CGB7: variants seen among roughly 807,000 people sequenced by gnomAD.
CGB7 encodes the protein chorionic gonadotropin subunit beta 7.
A neutral mutation model predicts 7.3 loss-of-function variants in CGB7; 6 were observed. The ratio of observed to expected loss-of-function variants is 0.82; its 90% CI spans 0.45 to 1.62. The LOEUF (loss-of-function observed/expected upper bound fraction) is 1.62. Ranked by LOEUF, CGB7 falls within the 40% of genes most tolerant of loss-of-function variation. The pLI, the probability that CGB7 is intolerant of heterozygous loss-of-function variation, is 0.01. For missense variants in CGB7, 114 were observed against 236.2 expected (o/e 0.48, Z 3.39); for synonymous variants, 47 against 100.8 (o/e 0.47, Z 3.20).
Position 49,056,270 on chromosome 19 carries a change from C to G in CGB7, c.-895G>C. ...TGGGGTGGGGCTGGCCCGGCAGGCTCCCACTAGCCCCGGCTTACAGCGGCC... is the reference window on the plus strand; with the variant it reads ...TGGGGTGGGGCTGGCCCGGCAGGCTGCCACTAGCCCCGGCTTACAGCGGCC... On this transcript the variant is annotated 5_prime_UTR_variant, in exon 3 of 5. Coordinates refer to ENST00000684222, the MANE Select transcript of CGB7 (RefSeq NM_001385261.1). 1 of 1,290,894 alleles carries G rather than the reference C, an allele frequency of 7.7e-7. No individual in the cohort carries two copies. Among genetic ancestry groups the G allele is most frequent in the Non-Finnish European group, 1.0e-6 (1 of 989,546 alleles). The allele number at this position is 1,290,894 out of a possible 1,614,324, so 80.0% of individuals were successfully genotyped here.
rs1247426305 is a variant in CGB7, at chr19:49,056,102, G to C, written c.-727C>G. On this transcript the variant is annotated 5_prime_UTR_variant, in exon 3 of 5. Transcript: ENST00000684222. The stretch of plus-strand genomic sequence containing the variant: ...GACTTAGTCCCTTCCCCGCGATCCA[G>C]CCGCAGCTGAGTGGGCGTGTCTGGG... The C allele has an allele frequency of 8.5e-7, 1 of 1,182,224 alleles. No individual in the cohort carries two copies. 73.2% of individuals were successfully genotyped at this position (1,182,224 alleles called of 1,614,324 possible). A position where few individuals can be genotyped will look rare whatever the true frequency, so the allele number is the denominator to read the frequency against.
At position 49,055,531 on chromosome 19, in the gene CGB7, C is replaced by A; in HGVS notation, c.-156G>T. 1 of 1,574,074 alleles carries A rather than the reference C, an allele frequency of 6.4e-7. No homozygotes were observed. The highest frequency in any genetic ancestry group is 8.6e-7 in the Non-Finnish European group (1 of 1,158,918). On this transcript the variant is annotated 5_prime_UTR_variant, in exon 3 of 5. Coordinates refer to ENST00000684222, the MANE Select transcript of CGB7 (RefSeq NM_001385261.1). ...AGGCCAGGGAGGCACAGGAGTGGCT[C>A]AGCGGAGCACCCCAGTCCTCTCCCC... is the stretch of plus-strand genomic sequence containing the variant.
In CGB7 at chr19:49,054,363, C is replaced by A; in HGVS notation, c.426G>T (p.Lys142Asn). The A allele has an allele frequency of 2.5e-6, 4 of 1,610,168 alleles. No homozygotes were observed. The highest frequency in any genetic ancestry group is 2.2e-5 in the East Asian group (1 of 44,772). The change falls in exon 5 of 5, where the codon AAG becomes AAT. Residue 142 changes from lysine to asparagine, a missense_variant. Physicochemically the swap from Lys to Asn is moderately conservative, Grantham distance 94. Coordinates refer to ENST00000684222, the MANE Select transcript of CGB7 (RefSeq NM_001385261.1). ...GACTTGGAAGGCTGGGGGGAGGGGC[C>A]TTTGAGGAAGAGGAGGCCTGGAAGC... is the stretch of plus-strand genomic sequence containing the variant. ...DPRFQASSSS[K>N]APPPSLPSPS...
chr19:49,057,746 G>T lies in CGB7; in HGVS notation c.-1633C>A. On this transcript the variant is annotated 5_prime_UTR_variant, in exon 1 of 5. Coordinates refer to ENST00000684222, the MANE Select transcript of CGB7 (RefSeq NM_001385261.1). ...GCCCCTGGTCCTTCTGGCCTGGCGT[G>T]GATGCCCAGCCCTTCCTCCCGCTCC... 7.5e-7 allele frequency: 1 copy of T among 1,338,850 alleles called. No homozygotes were observed. The highest frequency in any genetic ancestry group is 9.5e-7 in the Non-Finnish European group (1 of 1,047,812). 82.9% of individuals were successfully genotyped at this position (1,338,850 alleles called of 1,614,324 possible).
At position 49,054,312 on chromosome 19, in the gene CGB7, G is replaced by T. The variant is rs759770153; in HGVS notation, c.477C>A (p.Asp159Glu). ...PSPSRLPGPS[D>E]TPILPQ Reference sequence around the variant, plus strand: ...GCCTTTATTGTGGGAGGATCGGGGTGTCTGAGGGCCCCGGGAGTCGGGATG... The same window carrying T: ...GCCTTTATTGTGGGAGGATCGGGGTTTCTGAGGGCCCCGGGAGTCGGGATG... Residue 159 changes from aspartate to glutamate, a missense_variant, in exon 5 of 5, where the codon GAC (aspartate) becomes GAA (glutamate). Coordinates refer to ENST00000684222, the MANE Select transcript of CGB7 (RefSeq NM_001385261.1). The T allele has an allele frequency of 1.0e-5, 16 of 1,602,554 alleles. 1 individual carries two copies. The highest frequency in any genetic ancestry group is 2.3e-4 in the Middle Eastern group (1 of 4,444).
rs369281749 is a variant in CGB7, at chr19:49,055,584, G to A, written c.-209C>T. On this transcript the variant is annotated 5_prime_UTR_variant, in exon 3 of 5. Transcript: ENST00000684222. ...AGTGGTCTAGCGCCAAGGATGAGGC[G>A]GAGACCACGGTGAAGTGACCTCTGA... 6.7e-6 allele frequency: 10 copies of A among 1,483,114 alleles called. No individual in the cohort carries two copies. Among genetic ancestry groups the A allele is most frequent in the East Asian group, 2.4e-5 (1 of 41,792 alleles). 91.9% of individuals were successfully genotyped at this position (1,483,114 alleles called of 1,614,324 possible). A position where few individuals can be genotyped will look rare whatever the true frequency, so the allele number is the denominator to read the frequency against.
Position 49,055,925 on chromosome 19 carries a change from C to G in CGB7, c.-550G>C. Reference sequence around the variant, plus strand: ...GATTCAGCCCGAGCCCCACCTCTCCCTTAGGAACCTCCGCCCACCCTACCC... The same window carrying G: ...GATTCAGCCCGAGCCCCACCTCTCCGTTAGGAACCTCCGCCCACCCTACCC... On this transcript the variant is annotated 5_prime_UTR_variant, in exon 3 of 5. Transcript: ENST00000684222. 1 of 1,099,842 alleles carries G rather than the reference C, an allele frequency of 9.1e-7. No homozygotes were observed. The highest frequency in any genetic ancestry group is 2.3e-5 in the South Asian group (1 of 42,910). The allele number at this position is 1,099,842 out of a possible 1,614,324, so 68.1% of individuals were successfully genotyped here. A position where few individuals can be genotyped will look rare whatever the true frequency, so the allele number is the denominator to read the frequency against.
Position 49,056,066 on chromosome 19 carries a change from G to T in CGB7, c.-691C>A. 8.5e-7 allele frequency: 1 copy of T among 1,171,724 alleles called. No individual in the cohort carries two copies. The highest frequency in any genetic ancestry group is 1.1e-6 in the Non-Finnish European group (1 of 931,824). The allele number at this position is 1,171,724 out of a possible 1,614,324, so 72.6% of individuals were successfully genotyped here. On this transcript the variant is annotated 5_prime_UTR_variant, in exon 3 of 5. Coordinates refer to ENST00000684222, the MANE Select transcript of CGB7 (RefSeq NM_001385261.1). ...TGCCCGCGGGGCCGCAGCCTCGGAG[G>T]ACATTGTCTGGACTTAGTCCCTTCC...
rs944262967 is a variant in CGB7 at position 49,056,127 on chromosome 19, G to A, written c.-752C>T. 1.7e-6 allele frequency: 2 copies of A among 1,201,946 alleles called. No homozygotes were observed. The highest frequency in any genetic ancestry group is 6.5e-5 in the Admixed American group (2 of 30,716). 74.5% of individuals were successfully genotyped at this position (1,201,946 alleles called of 1,614,324 possible). On this transcript the variant is annotated 5_prime_UTR_variant, in exon 3 of 5. Coordinates refer to ENST00000684222, the MANE Select transcript of CGB7 (RefSeq NM_001385261.1). Reference sequence around the variant, plus strand: ...GCCGCAGCTGAGTGGGCGTGTCTGGGCTAGTCCTGTCCCCACACTGCGGAT... The same window carrying A: ...GCCGCAGCTGAGTGGGCGTGTCTGGACTAGTCCTGTCCCCACACTGCGGAT...
chr19:49,056,553 G>C lies in CGB7; in HGVS notation c.-1178C>G. ...GTTGGGGCGTCTCTTCTAAGCTCCA[G>C]TAGGTCAGGTAGTCCTTGCGGGGGT... On this transcript the variant is annotated 5_prime_UTR_variant, in exon 3 of 5. Coordinates refer to ENST00000684222, the MANE Select transcript of CGB7 (RefSeq NM_001385261.1). 7.7e-7 allele frequency: 1 copy of C among 1,300,566 alleles called. No individual in the cohort carries two copies. Among genetic ancestry groups the C allele is most frequent in the Non-Finnish European group, 1.0e-6 (1 of 996,084 alleles). The allele number at this position is 1,300,566 out of a possible 1,614,324, so 80.6% of individuals were successfully genotyped here. A position where few individuals can be genotyped will look rare whatever the true frequency, so the allele number is the denominator to read the frequency against.
In CGB7 at chr19:49,054,975, C is replaced by G; in HGVS notation, c.49G>C (p.Gly17Arg). 6.3e-7 allele frequency: 1 copy of G among 1,599,958 alleles called. No individual in the cohort carries two copies. The highest frequency in any genetic ancestry group is 8.5e-7 in the Non-Finnish European group (1 of 1,177,680). Residue 17 changes from glycine to arginine, a missense_variant, in exon 4 of 5, where the codon GGG becomes CGG. Physicochemically the swap from Gly to Arg is moderately radical, Grantham distance 125 (BLOSUM62 -2). This residue lies in a region of CGB7 where 58 missense variants were observed against 91.7 expected (regional missense o/e 0.63). Coordinates refer to ENST00000684222, the MANE Select transcript of CGB7 (RefSeq NM_001385261.1). ...LLLLLLLSMGGTWASREMLRP... is the reference protein window; with the variant it reads ...LLLLLLLSMGRTWASREMLRP... ...AGCATCTCCCTGGATGCCCATGTCCCGCCCATGCTCAGCAGCAGCAACAGC... is the reference window on the plus strand; with the variant it reads ...AGCATCTCCCTGGATGCCCATGTCCGGCCCATGCTCAGCAGCAGCAACAGC...
Position 49,056,339 on chromosome 19 carries a change from AT to A in CGB7, c.-965del. 2 of 1,294,880 alleles carry A rather than the reference AT, an allele frequency of 1.5e-6. No individual in the cohort carries two copies. The allele number at this position is 1,294,880 out of a possible 1,614,324, so 80.2% of individuals were successfully genotyped here. A position where few individuals can be genotyped will look rare whatever the true frequency, so the allele number is the denominator to read the frequency against. ...GCTGTAGGCTTTCGGGACGCTGTGT[AT>A]GCCCGGCAGGGGCTTCCAGTGGGGG... is the stretch of plus-strand genomic sequence containing the variant. On this transcript the variant is annotated 5_prime_UTR_variant, in exon 3 of 5. An upstream open reading frame in the 5' UTR gains an earlier in-frame stop. Coordinates refer to ENST00000684222, the MANE Select transcript of CGB7 (RefSeq NM_001385261.1).
Position 49,057,516 on chromosome 19 carries a change from C to CCCTTTCCTCTGCAGTCCCTGG in CGB7, c.-1404_-1403insCCAGGGACTGCAGAGGAAAGG. The CCCTTTCCTCTGCAGTCCCTGG allele has an allele frequency of 8.1e-7, 1 of 1,227,110 alleles. No individual in the cohort carries two copies. Among genetic ancestry groups the CCCTTTCCTCTGCAGTCCCTGG allele is most frequent in the Non-Finnish European group, 1.0e-6 (1 of 975,092 alleles). The allele number at this position is 1,227,110 out of a possible 1,614,324, so 76.0% of individuals were successfully genotyped here. ...AAGGAACTCAAATGCAGGCCCCCAG[C>CCCTTTCCTCTGCAGTCCCTGG]CACCACAAAATCCCCCTGGTTCTGC... is the stretch of plus-strand genomic sequence containing the variant. On this transcript the variant is annotated 5_prime_UTR_variant, in exon 1 of 5. Transcript: ENST00000684222.
intron 3 of CGB7, 102 bp downstream of exon 3, chr19:49,055,259 C>T (rs2040042747): frequency 2.5e-6 from 4 of 1,606,168 alleles, no homozygotes; most frequent in South Asian, 1.1e-5. Context: ...CACGCTCCTC[C>T]AGAAAGAGGC....
Position 49,055,540 on chromosome 19 carries a change from A to AC in CGB7, c.-166dup. ...AGGCACAGGAGTGGCTCAGCGGAGCACCCCAGTCCTCTCCCCTCAGTGGTC... is the reference window on the plus strand; with the variant it reads ...AGGCACAGGAGTGGCTCAGCGGAGCACCCCCAGTCCTCTCCCCTCAGTGGTC... On this transcript the variant is annotated 5_prime_UTR_variant, in exon 3 of 5. Coordinates refer to ENST00000684222, the MANE Select transcript of CGB7 (RefSeq NM_001385261.1). 1 of 1,559,544 alleles carries AC rather than the reference A, an allele frequency of 6.4e-7. No homozygotes were observed. Among genetic ancestry groups the AC allele is most frequent in the Non-Finnish European group, 8.7e-7 (1 of 1,151,940 alleles).
At position 49,056,174 on chromosome 19, in the gene CGB7, A is replaced by C. The variant is rs1367075368; in HGVS notation, c.-799T>G. 1 of 1,260,736 alleles carries C rather than the reference A, an allele frequency of 7.9e-7. No individual in the cohort carries two copies. Among genetic ancestry groups the C allele is most frequent in the Non-Finnish European group, 1.0e-6 (1 of 972,634 alleles). 78.1% of individuals were successfully genotyped at this position (1,260,736 alleles called of 1,614,324 possible). On this transcript the variant is annotated 5_prime_UTR_variant, in exon 3 of 5. Coordinates refer to ENST00000684222, the MANE Select transcript of CGB7 (RefSeq NM_001385261.1). ...GGATAGACTTAATGAGTGCGAGCCC[A>C]CCTAGGTCCGACACCGCGTAGTGAG... is the stretch of plus-strand genomic sequence containing the variant.
intron 1 of CGB7, 82 bp from the exon 2 acceptor site, chr19:49,057,330 C>A (rs2040078623): frequency 6.8e-7 from 1 of 1,461,830 alleles, no homozygotes; most frequent in South Asian, 1.3e-5. Context: ...AGTTCAGAAT[C>A]CCTCTCCTTC....
At position 49,056,971 on chromosome 19, in the gene CGB7, G is replaced by C. The variant is rs975293121; in HGVS notation, c.-1221+150C>G. 8.5e-6 allele frequency: 7 copies of C among 828,342 alleles called. No individual in the cohort carries two copies. The African/African-American group carries it at 1.0e-4, about 12-fold the overall frequency. The allele number at this position is 828,342 out of a possible 1,614,324, so 51.3% of individuals were successfully genotyped here. On this transcript the variant is annotated intron_variant, in intron 2 of 4. Transcript: ENST00000684222. ...GGACTCCTGGGTGCTAAAAGAGGGA[G>C]GGGCTGGGGTCTGAACTGTGGTTGT...
chr19:49,056,220 C>G lies in CGB7; in HGVS notation c.-845G>C, dbSNP rs1345818784. The G allele has an allele frequency of 2.3e-6, 3 of 1,286,848 alleles. No homozygotes were observed. Among genetic ancestry groups the G allele is most frequent in the Middle Eastern group, 2.1e-4 (1 of 4,686 alleles). 79.7% of individuals were successfully genotyped at this position (1,286,848 alleles called of 1,614,324 possible). ...GTGAGCGGCTGCCCAGAGCTCTGCT[C>G]CGCCCCCACGCCAGGGGGCGTGTCT... is the stretch of plus-strand genomic sequence containing the variant. On this transcript the variant is annotated 5_prime_UTR_variant, in exon 3 of 5. Coordinates refer to ENST00000684222, the MANE Select transcript of CGB7 (RefSeq NM_001385261.1).
Sources: gnomAD v4.1 joint callset for allele counts on GRCh38, gnomAD v4.1.1 for gene constraint, gnomAD v4.1.1 regional missense constraint, MANE v1.5 for transcripts, NCBI Gene and HGNC (gene_info 2026-07-23, HGNC 2026-07-21) for gene names.